PLG: variants seen among roughly 807,000 people sequenced by gnomAD.
PLG encodes the protein plasminogen.
Under a neutral mutation model 104.4 loss-of-function variants are expected in PLG, and 41 were observed. The observed-to-expected ratio is 0.39, with a 90% CI of 0.31 to 0.51. The LOEUF is 0.51. Among genes scored for constraint, PLG ranks in the 20% least tolerant of loss-of-function variants. The pLI, the probability that PLG is intolerant of heterozygous loss-of-function variation, is 0.76. For synonymous variants in PLG, 337 were observed against 357.1 expected, an observed-to-expected ratio of 0.94 and a Z score of 0.63; for missense variants, 891 against 1,003.6, an observed-to-expected ratio of 0.89 and a Z score of 1.52.
At chr6:160,749,092 A>T (rs552295116) in intron 17 of PLG, among the ~76,000 whole-genome samples, 44 of 152,342 alleles carry the variant, frequency 2.9e-4, no homozygotes, top group South Asian at 6.2e-4. Flanking sequence ...CAATTCCTCA[A>T]CTGATGAAAG....
rs577983775 is a variant in PLG, at chr6:160,739,795, A to C, written c.2018+587A>C. Among the ~76,000 whole-genome samples, 4 of 119,292 alleles carry C rather than the reference A, an allele frequency of 3.4e-5. No homozygotes were observed. The South Asian group carries it at 9.5e-4, about 28-fold the overall frequency. 78.3% of individuals were successfully genotyped at this position (119,292 alleles called of 152,430 possible). A position where few individuals can be genotyped will look rare whatever the true frequency, so the allele number is the denominator to read the frequency against. ...AACACCAAAAAAACAAAAAACAAACAAAAAAAAAACAACTTCACAATGTCA... is the reference window on the plus strand; with the variant it reads ...AACACCAAAAAAACAAAAAACAAACCAAAAAAAAACAACTTCACAATGTCA... On this transcript the variant is annotated intron_variant, in intron 16 of 18. Transcript: ENST00000308192. This position sits in a 1 kb window ranked among gnomAD's most constrained non-coding sequence, Gnocchi z 4.4.
intron 3 of PLG, among the ~76,000 whole-genome samples, chr6:160,709,948 G>GTGTTT (rs1484362017): frequency 1.1e-4 from 16 of 152,306 alleles, no homozygotes; most frequent in African/African-American, 3.1e-4. Context: ...AAGTGTACTT[G>GTGTTT]ACACCTTTTG....
At chr6:160,710,512 G>T (rs146038905) in intron 3 of PLG, among the ~76,000 whole-genome samples, 2,846 of 151,862 alleles carry the variant, frequency 0.019, 117 homozygotes, top group African/African-American at 0.066. Context: ...TGGTTGAGTG[G>T]AAGCTGGTTG....
At chr6:160,733,873 G>T in intron 12 of PLG, 122 bp from the exon 13 acceptor site, 2 of 521,066 alleles carry the variant, frequency 3.8e-6, no homozygotes, top group East Asian at 3.7e-5. Context: ...AAAAAAGAAG[G>T]AAGGAAAAAG....
In PLG at chr6:160,719,104, G is replaced by A. The variant is rs4252113; in HGVS notation, c.1096+266G>A. 4.5e-3 allele frequency among the ~76,000 whole-genome samples: 686 copies of A among 152,272 alleles called. 5 individuals carry two copies. Among genetic ancestry groups the A allele is most frequent in the African/African-American group, 0.016 (669 of 41,570 alleles). On this transcript the variant is annotated intron_variant, in intron 9 of 18. Transcript: ENST00000308192. The surrounding 1 kb of genome is among the most constrained non-coding windows in gnomAD (Gnocchi z 4.1). ...TGGGGTGTTCCCTCAAGGTCATTTA[G>A]GTGAAGTTGGTTGCTGGTGTTCTTC... is the stretch of plus-strand genomic sequence containing the variant.
Position 160,732,453 on chromosome 6 carries a change from C to T in PLG, c.1587+560C>T, listed in dbSNP as rs529299187. ...GATGTGGGGGGATTTCTCCTCACAC[C>T]CCAAGCGAGTCTCCAGCAGATACCA... On this transcript the variant is annotated intron_variant, in intron 12 of 18. Coordinates refer to ENST00000308192, the MANE Select transcript of PLG (RefSeq NM_000301.5). The surrounding 1 kb of genome is among the most constrained non-coding windows in gnomAD (Gnocchi z 4.5). Among the ~76,000 whole-genome samples, 3 of 152,200 alleles carry T rather than the reference C, an allele frequency of 2.0e-5. No homozygotes were observed. Among genetic ancestry groups the T allele is most frequent in the African/African-American group, 7.2e-5 (3 of 41,506 alleles).
rs553638786 is a variant in PLG at position 160,724,117 on chromosome 6, T to C, written c.1256+1550T>C. Among the ~76,000 whole-genome samples, 4 of 152,242 alleles carry C rather than the reference T, an allele frequency of 2.6e-5. No homozygotes were observed. In the South Asian group the frequency reaches 8.3e-4, roughly 32 times the overall value. On this transcript the variant is annotated intron_variant, in intron 10 of 18. Transcript: ENST00000308192. This position sits in a 1 kb window ranked among gnomAD's most constrained non-coding sequence, Gnocchi z 5.0. The stretch of plus-strand genomic sequence containing the variant: ...GACATACAAAAAGCATTTACTGTGA[T>C]CCATAACCAGGAGAAAAAGCACTCA...
chr6:160,711,498 T>C (rs1777641300), intron 4 of PLG: 5 of 1,422,620 alleles, frequency 3.5e-6, no homozygotes, highest in Non-Finnish European at 4.8e-6. Flanking sequence ...AATTTGTGGA[T>C]CTGGAACCCA....
chr6:160,711,438 T>C, intron 4 of PLG: 2 of 808,848 alleles, frequency 2.5e-6, no homozygotes, highest in Non-Finnish European at 3.9e-6. Context: ...TATTGTCATA[T>C]TGTTATTTTC....
rs1461375995 is a variant in PLG at position 160,713,111 on chromosome 6, T to C, written c.533T>C (p.Ile178Thr). 1 of 1,610,568 alleles carries C rather than the reference T, an allele frequency of 6.2e-7. No homozygotes were observed. Among genetic ancestry groups the C allele is most frequent in the Admixed American group, 1.7e-5 (1 of 60,016 alleles). The stretch of plus-strand genomic sequence containing the variant: ...GAAAAGAGATATGACTACTGCGACA[T>C]TCTTGAGTGTGAAGGTCAGGAGTGG... ...DPEKRYDYCD[I>T]LECEEECMHC... is the part of the protein sequence containing the mutation. The change falls in exon 5 of 19, where the codon ATT becomes ACT. Residue 178 changes from isoleucine to threonine, a missense_variant. Physicochemically the swap from Ile to Thr is moderately conservative, Grantham distance 89. This residue lies in a region of PLG where 854 missense variants were observed against 932.1 expected (regional missense o/e 0.92). Coordinates refer to ENST00000308192, the MANE Select transcript of PLG (RefSeq NM_000301.5).
rs1777431694 is a variant in PLG, at chr6:160,702,312, A to G, written c.8A>G (p.His3Arg). Reference protein sequence around the residue: MEHKEVVLLLLLF... With the variant: MERKEVVLLLLLF... ...CTGCTGGCCAGTCCCAAAATGGAACATAAGGAAGTGGTTCTTCTACTTCTT... is the reference window on the plus strand; with the variant it reads ...CTGCTGGCCAGTCCCAAAATGGAACGTAAGGAAGTGGTTCTTCTACTTCTT... Residue 3 changes from histidine (H) to arginine (R), a missense_variant, in exon 1 of 19, where the codon CAT becomes CGT. His to Arg is a conservative substitution (Grantham distance 29, BLOSUM62 0). Transcript: ENST00000308192. 7 of 1,609,950 alleles carry G rather than the reference A, an allele frequency of 4.3e-6. No individual in the cohort carries two copies. The highest frequency in any genetic ancestry group is 5.9e-6 in the Non-Finnish European group (7 of 1,179,700).
intron 17 of PLG, among the ~76,000 whole-genome samples, chr6:160,748,092 G>T (rs917810129): frequency 2.6e-5 from 4 of 151,790 alleles, no homozygotes; most frequent in African/African-American, 9.7e-5. Flanking sequence ...AGACCACGAG[G>T]TCAGGAGCTT....
Position 160,741,254 on chromosome 6 carries a change from G to A in PLG, c.2019-57G>A. The A allele has an allele frequency of 8.5e-7, 1 of 1,182,246 alleles. No homozygotes were observed. Among genetic ancestry groups the A allele is most frequent in the South Asian group, 1.2e-5 (1 of 82,490 alleles). 73.2% of individuals were successfully genotyped at this position (1,182,246 alleles called of 1,614,324 possible). A position where few individuals can be genotyped will look rare whatever the true frequency, so the allele number is the denominator to read the frequency against. On this transcript the variant is annotated intron_variant, in intron 16 of 18. Coordinates refer to ENST00000308192, the MANE Select transcript of PLG (RefSeq NM_000301.5). This position sits in a 1 kb window ranked among gnomAD's most constrained non-coding sequence, Gnocchi z 4.7. The stretch of plus-strand genomic sequence containing the variant: ...CCTCAAGACAGGGATGACTGGTTGT[G>A]GGTACTGCAGCTGCGAGCAGAGCAG...
chr6:160,710,792 T>G (rs1410292270), intron 3 of PLG, among the ~76,000 whole-genome samples: 1 of 152,186 alleles, frequency 6.6e-6, no homozygotes, highest in South Asian at 2.1e-4. Context: ...TCCACTAGAA[T>G]GTAAGCTCCA....
At chr6:160,716,102 T>C (rs762214968) in intron 6 of PLG, among the ~76,000 whole-genome samples, 1 of 152,254 alleles carries the variant, frequency 6.6e-6, no homozygotes, top group Non-Finnish European at 1.5e-5. Context: ...GGACCATTCC[T>C]TTAAGCTATG....
chr6:160,738,800 GAC>G lies in PLG; in HGVS notation c.1877+192_1877+193del, dbSNP rs1778135024. 6.6e-6 allele frequency among the ~76,000 whole-genome samples: 1 copy of G among 152,156 alleles called. No homozygotes were observed. Among genetic ancestry groups the G allele is most frequent in the Non-Finnish European group, 1.5e-5 (1 of 68,034 alleles). On this transcript the variant is annotated intron_variant, in intron 15 of 18. Coordinates refer to ENST00000308192, the MANE Select transcript of PLG (RefSeq NM_000301.5). This position sits in a 1 kb window ranked among gnomAD's most constrained non-coding sequence, Gnocchi z 6.8. The stretch of plus-strand genomic sequence containing the variant: ...TTCTAGAAAGAAACTGCAGAGGAAA[GAC>G]ACAGTACAGATGATTTTGTGGGCCT...
rs371192657 is a variant in PLG at position 160,718,472 on chromosome 6, T to C, written c.950+16T>C. 1.0e-4 allele frequency: 165 copies of C among 1,589,410 alleles called. 4 individuals carry two copies. Among genetic ancestry groups the C allele is most frequent in the East Asian group, 6.3e-4 (28 of 44,756 alleles). On this transcript the variant is annotated intron_variant, in intron 8 of 18. Transcript: ENST00000308192. ...TCCCCTGCAAGTAAGTCCCCTCCGG[T>C]CTCATTCTGCTGCTATGGAATGTGA... is the stretch of plus-strand genomic sequence containing the variant.
At position 160,731,868 on chromosome 6, in the gene PLG, A is replaced by G. The variant is rs1778005350; in HGVS notation, c.1562A>G (p.Asn521Ser). The G allele has an allele frequency of 6.2e-7, 1 of 1,614,066 alleles. No homozygotes were observed. The highest frequency in any genetic ancestry group is 1.3e-5 in the African/African-American group (1 of 75,010). ...CACAGCATTTTCACTCCAGAGACAA[A>G]TCCACGGGCGGGTCTGGAAAAAAAT... ...HRHSIFTPET[N>S]PRAGLEKNYC... The change falls in exon 12 of 19, where the codon AAT (asparagine) becomes AGT (serine). Residue 521 changes from asparagine to serine, a missense_variant. Coordinates refer to ENST00000308192, the MANE Select transcript of PLG (RefSeq NM_000301.5). The surrounding 1 kb of genome is among the most constrained non-coding windows in gnomAD (Gnocchi z 5.1).
chr6:160,714,774 T>G lies in PLG; in HGVS notation c.548-20T>G. The G allele has an allele frequency of 6.2e-7, 1 of 1,613,026 alleles. No homozygotes were observed. Among genetic ancestry groups the G allele is most frequent in the African/African-American group, 1.3e-5 (1 of 75,044 alleles). On this transcript the variant is annotated intron_variant, in intron 5 of 18. Coordinates refer to ENST00000308192, the MANE Select transcript of PLG (RefSeq NM_000301.5). The stretch of plus-strand genomic sequence containing the variant: ...TCAGTTTTCTTCTTCCTCTCTGTCC[T>G]TCCTTCCCACTCTGTCCAGAGGAAT...
Sources: allele counts gnomAD v4.1 joint callset (sites outside exome capture counted in the v4.1 genomes callset), GRCh38; gene constraint gnomAD v4.1.1; regional missense constraint gnomAD v4.1.1; non-coding constraint Gnocchi (gnomAD v3.1); transcripts MANE v1.5; gene names NCBI Gene and HGNC (gene_info 2026-07-23, HGNC 2026-07-21).